The following KIF16B variants were observed in gnomAD, a reference collection of about 807,000 sequenced individuals.
The protein encoded by KIF16B is kinesin family member 16B.
A neutral mutation model predicts 156.3 loss-of-function variants in KIF16B; 98 were observed. That is an observed-to-expected ratio of 0.63 (90% CI 0.53 to 0.74). The LOEUF is 0.74. KIF16B is among the 30% of genes least tolerant of loss of function. The probability of loss-of-function intolerance (pLI) is 0.00; values close to 1 mark genes in which losing one functional copy is unlikely to be tolerated. For synonymous variants in KIF16B, 564 were observed against 583.7 expected (o/e 0.97, Z 0.49); for missense variants, 1,421 against 1,606.5 (o/e 0.88, Z 1.97).
At position 16,379,769 on chromosome 20, in the gene KIF16B, C is replaced by T. The variant is rs779078003; in HGVS notation, c.2233G>A (p.Glu745Lys). The T allele has an allele frequency of 3.9e-5, 63 of 1,614,028 alleles. No individual in the cohort carries two copies. In the South Asian group the frequency reaches 6.5e-4, roughly 17 times the overall value. Residue 745 changes from glutamate to lysine, a missense_variant, in exon 19 of 26, where the codon GAA becomes AAA. Coordinates refer to ENST00000354981, the MANE Select transcript of KIF16B (RefSeq NM_024704.5). ...KEKDEQYAKL[E>K]LEKKRLEEQE... ...TCCTCTAGTCTCTTTTTTTCCAGTT[C>T]AAGCTTGGCATACTGTTCATCTTTT...
chr20:16,508,939 G>A (rs1370342152), intron 6 of KIF16B, among the ~76,000 whole-genome samples: 1 of 152,098 alleles, frequency 6.6e-6, no homozygotes, highest in African/African-American at 2.4e-5. Flanking sequence ...GTTACACTGT[G>A]TAAAAGGTCC....
intron 12 of KIF16B, among the ~76,000 whole-genome samples, chr20:16,487,289 C>A (rs2068148959): frequency 6.6e-6 from 1 of 151,948 alleles, no homozygotes; most frequent in African/African-American, 2.4e-5. Context: ...ACGAGAGAGG[C>A]CACAAAAAAT....
At chr20:16,372,411 G>A (rs1321221448) in intron 20 of KIF16B, among the ~76,000 whole-genome samples, 1 of 152,186 alleles carries the variant, frequency 6.6e-6, no homozygotes, top group Non-Finnish European at 1.5e-5. Context: ...CAGAGATGAA[G>A]CCAAACACCA....
At chr20:16,457,015 CCCT>C (rs922974646) in intron 12 of KIF16B, among the ~76,000 whole-genome samples, 5 of 152,294 alleles carry the variant, frequency 3.3e-5, no homozygotes, top group Admixed American at 6.5e-5. Flanking sequence ...GATAACCTTT[CCCT>C]CCTCCTTTTC....
At chr20:16,452,399 T>C (rs1317210011) in intron 12 of KIF16B, among the ~76,000 whole-genome samples, 1 of 135,128 alleles carries the variant, frequency 7.4e-6, no homozygotes, top group African/African-American at 2.8e-5. Context: ...ATAACCCCTA[T>C]AAGAAAAAAA....
At chr20:16,293,110 G>C (rs1346352092) in intron 25 of KIF16B, among the ~76,000 whole-genome samples, 1 of 152,098 alleles carries the variant, frequency 6.6e-6, no homozygotes, top group African/African-American at 2.4e-5. Flanking sequence ...GAAACAACAG[G>C]AAAAACAACA....
chr20:16,503,268 T>C (rs1600562199), intron 10 of KIF16B, among the ~76,000 whole-genome samples: 1 of 152,284 alleles, frequency 6.6e-6, no homozygotes, highest in Admixed American at 6.5e-5. Context: ...AAAATGACTA[T>C]TGTGGTTCAT....
At chr20:16,463,145 A>G (rs1201985095) in intron 12 of KIF16B, among the ~76,000 whole-genome samples, 1 of 152,180 alleles carries the variant, frequency 6.6e-6, no homozygotes, top group African/African-American at 2.4e-5. Flanking sequence ...TGAACCTAAA[A>G]GACCTGCTCA....
Position 16,378,714 on chromosome 20 carries a change from A to G in KIF16B, c.3197+91T>C, listed in dbSNP as rs1600242496. The G allele has an allele frequency of 6.9e-6, 9 of 1,308,934 alleles. No homozygotes were observed. In the South Asian group the frequency reaches 9.8e-5, roughly 14 times the overall value. 81.1% of individuals were successfully genotyped at this position (1,308,934 alleles called of 1,614,324 possible). A position where few individuals can be genotyped will look rare whatever the true frequency, so the allele number is the denominator to read the frequency against. On this transcript the variant is annotated intron_variant, in intron 19 of 25. Coordinates refer to ENST00000354981, the MANE Select transcript of KIF16B (RefSeq NM_024704.5). ...TATGAAGGCTAAAAGAATAAGTTAA[A>G]AAAAAAAAAGGATAAACACAACATG...
intron 12 of KIF16B, among the ~76,000 whole-genome samples, chr20:16,482,941 C>T (rs1192833087): frequency 1.3e-5 from 2 of 152,148 alleles, no homozygotes; most frequent in Non-Finnish European, 2.9e-5. Flanking sequence ...TGATTCATCT[C>T]AATCAATCAG....
At chr20:16,462,646 A>T (rs2067379100) in intron 12 of KIF16B, among the ~76,000 whole-genome samples, 1 of 152,206 alleles carries the variant, frequency 6.6e-6, no homozygotes, top group Admixed American at 6.5e-5. Context: ...GGAGCTCAAA[A>T]AAAAATTATT....
chr20:16,508,173 T>G, intron 6 of KIF16B, 73 bp from the exon 7 acceptor site: 5 of 1,532,234 alleles, frequency 3.3e-6, no homozygotes, highest in Non-Finnish European at 4.5e-6. Context: ...TTACCCTCTA[T>G]GAAATAATAC....
chr20:16,435,174 C>T (rs2066610696), intron 12 of KIF16B, among the ~76,000 whole-genome samples: 1 of 152,156 alleles, frequency 6.6e-6, no homozygotes, highest in African/African-American at 2.4e-5. Flanking sequence ...AGTGCATATA[C>T]ATTTTTCATA....
intron 22 of KIF16B, among the ~76,000 whole-genome samples, chr20:16,364,193 T>C (rs1388961340): frequency 6.6e-6 from 1 of 152,192 alleles, no homozygotes; most frequent in Non-Finnish European, 1.5e-5. Context: ...TGTTTTGAAA[T>C]GTTTTTCAAC....
intron 15 of KIF16B, among the ~76,000 whole-genome samples, chr20:16,426,695 C>T (rs1164945872): frequency 6.6e-6 from 1 of 151,560 alleles, no homozygotes; most frequent in Non-Finnish European, 1.5e-5. Context: ...GAAGTTATTT[C>T]AAAACAAAAA....
At chr20:16,510,869 A>G (rs1003828646) in intron 6 of KIF16B, among the ~76,000 whole-genome samples, 3 of 152,216 alleles carry the variant, frequency 2.0e-5, no homozygotes, top group Non-Finnish European at 1.5e-5. Context: ...GATCAGCTTC[A>G]TTATGAGGAC....
chr20:16,487,043 G>A (rs1246097812), intron 12 of KIF16B, among the ~76,000 whole-genome samples: 1 of 152,094 alleles, frequency 6.6e-6, no homozygotes, highest in African/African-American at 2.4e-5. Flanking sequence ...CACAGGGTCA[G>A]GAGATTGAGA....
At chr20:16,506,760 C>T (rs2068792173) in intron 7 of KIF16B, among the ~76,000 whole-genome samples, 1 of 152,022 alleles carries the variant, frequency 6.6e-6, no homozygotes, top group South Asian at 2.1e-4. Flanking sequence ...GCGCCCCCCG[C>T]CAGATTACTA....
chr20:16,537,651 A>T (rs6044089), intron 1 of KIF16B, among the ~76,000 whole-genome samples: 79,326 of 149,974 alleles, frequency 0.53, 21,081 homozygotes, highest in Non-Finnish European at 0.55. Context: ...CCACATACTA[A>T]AGTATCTTCC....
Sources: gnomAD v4.1 joint callset for allele counts (sites outside exome capture counted in the v4.1 genomes callset) on GRCh38, gnomAD v4.1.1 for gene constraint, MANE v1.5 for transcripts, NCBI Gene and HGNC (gene_info 2026-07-23, HGNC 2026-07-21) for gene names.